Variants in GMDS observed in about 807,000 individuals in gnomAD.
GMDS encodes the protein GDP-mannose 4,6 dehydratase.
GMDS carries 20 observed loss-of-function variants against 49.9 expected under a neutral mutation model. The observed-to-expected ratio is 0.40, with a 90% CI of 0.28 to 0.58. GMDS has a LOEUF of 0.58. Among genes scored for constraint, GMDS ranks in the 20% least tolerant of loss-of-function variants. GMDS has a pLI of 0.42. For missense variants in GMDS, 362 were observed against 481.4 expected (o/e 0.75, Z 2.32); for synonymous variants, 177 against 178.6 (o/e 0.99, Z 0.07).
At chr6:1,625,856 C>T (rs1353656961) in intron 9 of GMDS, among the ~76,000 whole-genome samples, 2 of 152,170 alleles carry the variant, frequency 1.3e-5, no homozygotes, top group African/African-American at 2.4e-5. Context: ...ATAAACCGAA[C>T]GCAAAGGCCG....
intron 7 of GMDS, among the ~76,000 whole-genome samples, chr6:1,884,056 C>A (rs1354275730): frequency 2.6e-5 from 4 of 152,040 alleles, no homozygotes; most frequent in East Asian, 1.9e-4. Context: ...ACAATCAGAG[C>A]GAGAGCCTCA....
intron 7 of GMDS, among the ~76,000 whole-genome samples, chr6:1,895,183 C>T (rs1191151033): frequency 1.3e-5 from 2 of 152,140 alleles, no homozygotes; most frequent in Non-Finnish European, 2.9e-5. Context: ...TGGTACCTGG[C>T]TTGCTTGCCC....
chr6:1,853,817 AACTT>A (rs1197307056), intron 7 of GMDS, among the ~76,000 whole-genome samples: 2 of 152,206 alleles, frequency 1.3e-5, no homozygotes, highest in Non-Finnish European at 2.9e-5. Context: ...ATGTGGATCA[AACTT>A]ACTTATTCAT....
chr6:1,854,690 G>C (rs1757867375), intron 7 of GMDS, among the ~76,000 whole-genome samples: 1 of 152,184 alleles, frequency 6.6e-6, no homozygotes, highest in Admixed American at 6.5e-5. Context: ...GCTGCCTGCA[G>C]ACTCGCGATC....
At chr6:2,168,553 A>C (rs1269316496) in intron 1 of GMDS, among the ~76,000 whole-genome samples, 2 of 152,238 alleles carry the variant, frequency 1.3e-5, no homozygotes, top group African/African-American at 4.8e-5. Context: ...GAGAGGATAC[A>C]CTGTAGAAAA....
At chr6:2,014,115 C>CA (rs1443690038) in intron 4 of GMDS, among the ~76,000 whole-genome samples, 2 of 11,232 alleles carry the variant, frequency 1.8e-4, no homozygotes, top group African/African-American at 9.0e-4. Flanking sequence ...CAAAATTATC[C>CA]CCCCCCCCCA....
At chr6:2,224,160 A>G (rs901179331) in intron 1 of GMDS, among the ~76,000 whole-genome samples, 1 of 152,350 alleles carries the variant, frequency 6.6e-6, no homozygotes, top group East Asian at 1.9e-4. Flanking sequence ...GCAACCAAAT[A>G]TAATGAGTTG....
intron 9 of GMDS, among the ~76,000 whole-genome samples, chr6:1,626,778 T>C (rs983943146): frequency 1.3e-5 from 2 of 152,266 alleles, no homozygotes; most frequent in African/African-American, 4.8e-5. Flanking sequence ...GAGCTTTGTA[T>C]TGTAATTATG....
intron 1 of GMDS, among the ~76,000 whole-genome samples, chr6:2,188,451 C>A (rs1018982709): frequency 3.3e-5 from 5 of 152,112 alleles, no homozygotes; most frequent in Admixed American, 6.5e-5. Flanking sequence ...CCCTTGAGAG[C>A]CAAAGGGAAA....
intron 3 of GMDS, among the ~76,000 whole-genome samples, chr6:2,116,288 T>C (rs909406581): frequency 3.3e-5 from 5 of 152,158 alleles, no homozygotes; most frequent in African/African-American, 1.2e-4. Flanking sequence ...CAGCTCTCTT[T>C]TCTTTAGATA....
intron 3 of GMDS, among the ~76,000 whole-genome samples, chr6:2,116,524 G>T (rs1774858358): frequency 6.6e-6 from 1 of 152,108 alleles, no homozygotes; most frequent in Non-Finnish European, 1.5e-5. Context: ...CCAGTGGCAG[G>T]ACTGTTCTGA....
At chr6:1,883,208 T>C (rs1436431418) in intron 7 of GMDS, among the ~76,000 whole-genome samples, 1 of 151,880 alleles carries the variant, frequency 6.6e-6, no homozygotes, top group Non-Finnish European at 1.5e-5. Context: ...CTGGCCAACT[T>C]AGTGAAACCC....
At chr6:2,202,023 C>T (rs1443345652) in intron 1 of GMDS, among the ~76,000 whole-genome samples, 3 of 135,548 alleles carry the variant, frequency 2.2e-5, no homozygotes, top group East Asian at 2.3e-4. Flanking sequence ...CATGGGCATC[C>T]GAGATGAAAC....
chr6:2,216,489 G>C (rs1780340296), intron 1 of GMDS, among the ~76,000 whole-genome samples: 1 of 152,216 alleles, frequency 6.6e-6, no homozygotes, highest in Admixed American at 6.5e-5. Context: ...GTGTGTGCAG[G>C]TGTAAGCGTG....
At chr6:2,059,662 C>G (rs1437865946) in intron 4 of GMDS, among the ~76,000 whole-genome samples, 1 of 120,620 alleles carries the variant, frequency 8.3e-6, no homozygotes, top group Non-Finnish European at 1.7e-5. Flanking sequence ...GAGCCGAGAT[C>G]GCACCACTGC....
intron 6 of GMDS, among the ~76,000 whole-genome samples, chr6:1,956,985 T>G (rs1164223668): frequency 6.6e-6 from 1 of 152,064 alleles, no homozygotes; most frequent in African/African-American, 2.4e-5. Flanking sequence ...GTATTTTTAG[T>G]AGAGACGGGG....
Position 2,068,709 on chromosome 6 carries a change from G to A in GMDS, c.345+47062C>T, listed in dbSNP as rs545266801. ...AAATACCTAGGAATCCAACTTACAA[G>A]GGATGTGAAGGACCTCTTCAAGGAA... is the stretch of plus-strand genomic sequence containing the variant. On this transcript the variant is annotated intron_variant, in intron 4 of 10. Transcript: ENST00000380815. Among the ~76,000 whole-genome samples the A allele has an allele frequency of 6.6e-3, 1,002 of 152,222 alleles. 1 individual carries two copies. Among genetic ancestry groups the A allele is most frequent in the Admixed American group, 0.013 (205 of 15,294 alleles).
chr6:2,149,300 T>C (rs1199711942), intron 1 of GMDS, among the ~76,000 whole-genome samples: 2 of 152,184 alleles, frequency 1.3e-5, no homozygotes, highest in African/African-American at 4.8e-5. Context: ...TTAAAATGAA[T>C]GTAAAGAGAA....
chr6:1,664,920 G>A (rs1257968988), intron 9 of GMDS, among the ~76,000 whole-genome samples: 1 of 152,138 alleles, frequency 6.6e-6, no homozygotes, highest in Non-Finnish European at 1.5e-5. Flanking sequence ...TTGTTCACCA[G>A]GATCGCTCTC....
Sources: gnomAD v4.1 joint callset for allele counts (sites outside exome capture counted in the v4.1 genomes callset) on GRCh38, gnomAD v4.1.1 for gene constraint, MANE v1.5 for transcripts, NCBI Gene and HGNC (gene_info 2026-07-23, HGNC 2026-07-21) for gene names.